The following IL5RA variants were observed in gnomAD, a reference collection of about 807,000 sequenced individuals.
IL5RA encodes interleukin 5 receptor subunit alpha, also known as interleukin-5 receptor subunit alpha.
A neutral mutation model predicts 50.0 loss-of-function variants in IL5RA; 49 were observed. The ratio of observed to expected loss-of-function variants is 0.98; its 90% confidence interval spans 0.78 to 1.24. The LOEUF is 1.24. Among genes scored for constraint, IL5RA ranks in the 50% most tolerant of loss-of-function variants. IL5RA has a pLI of 0.00. For synonymous variants in IL5RA, 202 were observed against 174.0 expected (o/e 1.16, Z -1.26); for missense variants, 600 against 500.4 (o/e 1.20, Z -1.90).
In IL5RA at chr3:3,068,600, A is replaced by AAAAAAAAAC. The variant is rs1290359855; in HGVS notation, c.*1616_*1624dup. On this transcript the variant is annotated 3_prime_UTR_variant, in exon 12 of 12. Transcript: ENST00000446632. ...CCACCCACCCCACAAAAAAAAAAAA[A>AAAAAAAAAC]AAAAAAAACAAAAACAGGTTTGAGA... 7.1e-6 allele frequency: 1 copy of AAAAAAAAAC among 141,064 alleles called. No homozygotes were observed. The allele number at this position is 141,064 out of a possible 1,614,324, so 8.7% of individuals were successfully genotyped here. A position where few individuals can be genotyped will look rare whatever the true frequency, so the allele number is the denominator to read the frequency against.
intron 4 of IL5RA, 102 bp downstream of exon 4, chr3:3,102,573 A>C: frequency 2.6e-6 from 2 of 766,242 alleles, no homozygotes; most frequent in Non-Finnish European, 4.2e-6. Flanking sequence ...AGAGCCTGTC[A>C]GTAATTTTAT....
chr3:3,109,869 G>A (rs1704103011), intron 1 of IL5RA, 76 bp downstream of exon 1: 1 of 152,150 alleles, frequency 6.6e-6, no homozygotes. Context: ...ACAGGGTATT[G>A]TTACAGCCCA....
intron 7 of IL5RA, among the ~76,000 whole-genome samples, chr3:3,096,194 C>T (rs768989449): frequency 2.1e-4 from 32 of 151,696 alleles, no homozygotes; most frequent in Non-Finnish European, 4.4e-4. Flanking sequence ...AGGAGAATGG[C>T]GTGAACCCAG....
At chr3:3,109,235 C>CAA (rs979248419) in intron 1 of IL5RA, among the ~76,000 whole-genome samples, 1 of 151,982 alleles carries the variant, frequency 6.6e-6, no homozygotes, top group African/African-American at 2.4e-5. Context: ...AACACAAAAC[C>CAA]AAGTGACATA....
intron 9 of IL5RA, among the ~76,000 whole-genome samples, chr3:3,088,759 CA>C (rs1426398942): frequency 6.6e-6 from 1 of 152,170 alleles, no homozygotes; most frequent in East Asian, 1.9e-4. Flanking sequence ...TTAAAATCTC[CA>C]AAATTGAATA....
At chr3:3,104,731 C>T (rs1376559234) in intron 3 of IL5RA, among the ~76,000 whole-genome samples, 172 bp downstream of exon 3, 1 of 152,158 alleles carries the variant, frequency 6.6e-6, no homozygotes, top group Non-Finnish European at 1.5e-5. Context: ...GCCAACATTG[C>T]TTTCTTAAAA....
rs1702234383 is a variant in IL5RA at position 3,069,723 on chromosome 3, T to C, written c.*502A>G. 1.3e-5 allele frequency: 2 copies of C among 153,426 alleles called. No individual in the cohort carries two copies. The highest frequency in any genetic ancestry group is 2.9e-5 in the Non-Finnish European group (2 of 69,078). 9.5% of individuals were successfully genotyped at this position (153,426 alleles called of 1,614,324 possible). On this transcript the variant is annotated 3_prime_UTR_variant, in exon 12 of 12. Transcript: ENST00000446632. ...TTCTAGAATGTAGGGGGGTGAGGAATTTGTGGCTCTCACTTGCTATAGAAA... is the reference window on the plus strand; with the variant it reads ...TTCTAGAATGTAGGGGGGTGAGGAACTTGTGGCTCTCACTTGCTATAGAAA...
In IL5RA at chr3:3,092,059, T is replaced by C; in HGVS notation, c.994+165A>G. 7.2e-7 allele frequency: 1 copy of C among 1,385,730 alleles called. No homozygotes were observed. Among genetic ancestry groups the C allele is most frequent in the East Asian group, 2.6e-5 (1 of 37,744 alleles). The allele number at this position is 1,385,730 out of a possible 1,614,324, so 85.8% of individuals were successfully genotyped here. On this transcript the variant is annotated intron_variant, in intron 9 of 11. Coordinates refer to ENST00000446632, the MANE Select transcript of IL5RA (RefSeq NM_175726.4). This position sits in a 1 kb window ranked among gnomAD's most constrained non-coding sequence, Gnocchi z 4.2. ...ACACTTAAAAACTTCACTGGCTTCA[T>C]GGCAAATCTATTCCTGATTGAAAAG... is the stretch of plus-strand genomic sequence containing the variant.
At chr3:3,091,920 G>A in intron 9 of IL5RA, 4 of 948,304 alleles carry the variant, frequency 4.2e-6, no homozygotes, top group Non-Finnish European at 3.9e-6. Flanking sequence ...TTGTGAGTGT[G>A]ATAATTATTT....
intron 3 of IL5RA, among the ~76,000 whole-genome samples, chr3:3,104,631 T>C (rs1051043164): frequency 2.6e-5 from 4 of 152,292 alleles, no homozygotes; most frequent in Middle Eastern, 3.4e-3. Flanking sequence ...ACATTCCAAA[T>C]GCGACCACTG....
At position 3,066,640 on chromosome 3, in the gene IL5RA, A is replaced by C. The variant is rs1373405995; in HGVS notation, c.*3585T>G. ...TTTTTCTTTAACAAATTAGCACCTC[A>C]GGCTTCTTAATTCCACCAGCAGATG... On this transcript the variant is annotated 3_prime_UTR_variant, in exon 12 of 12. Transcript: ENST00000446632. The C allele has an allele frequency of 1.3e-5, 2 of 152,210 alleles. No individual in the cohort carries two copies. Among genetic ancestry groups the C allele is most frequent in the East Asian group, 3.8e-4 (2 of 5,200 alleles). The allele number at this position is 152,210 out of a possible 1,614,324, so 9.4% of individuals were successfully genotyped here.
intron 9 of IL5RA, among the ~76,000 whole-genome samples, chr3:3,080,664 T>A (rs1254723199): frequency 6.6e-6 from 1 of 152,198 alleles, no homozygotes; most frequent in Non-Finnish European, 1.5e-5. Context: ...TAGGTGGGAC[T>A]GAAGCCCTTT....
At chr3:3,091,525 A>G (rs1703100025) in intron 9 of IL5RA, among the ~76,000 whole-genome samples, 1 of 152,192 alleles carries the variant, frequency 6.6e-6, no homozygotes, top group African/African-American at 2.4e-5. Context: ...TGAAGTCAGG[A>G]GTTCGAGACC....
chr3:3,090,524 G>C (rs1703042310), intron 9 of IL5RA, among the ~76,000 whole-genome samples: 1 of 150,350 alleles, frequency 6.7e-6, no homozygotes, highest in Non-Finnish European at 1.5e-5. Flanking sequence ...CTGGATAATA[G>C]CAAACACAGG....
At chr3:3,090,108 T>C (rs962424633) in intron 9 of IL5RA, 56 of 1,195,202 alleles carry the variant, frequency 4.7e-5, no homozygotes, top group Non-Finnish European at 5.3e-5. Context: ...AGTTTTTTGA[T>C]AGGACTAAGA....
At chr3:3,086,485 C>CA (rs1444933190) in intron 9 of IL5RA, among the ~76,000 whole-genome samples, 1 of 151,862 alleles carries the variant, frequency 6.6e-6, no homozygotes, top group Non-Finnish European at 1.5e-5. Flanking sequence ...TAAGATAAGA[C>CA]AGAGAAGCCA....
intron 2 of IL5RA, among the ~76,000 whole-genome samples, chr3:3,107,709 C>A (rs1173107430): frequency 1.3e-5 from 2 of 152,160 alleles, no homozygotes; most frequent in Non-Finnish European, 1.5e-5. Context: ...TATAACATTT[C>A]ATTGAGTCAA....
chr3:3,101,663 CA>C, intron 5 of IL5RA, 28 bp downstream of exon 5: 1 of 1,602,346 alleles, frequency 6.2e-7, no homozygotes, highest in Non-Finnish European at 8.5e-7. Context: ...CCAAAACATA[CA>C]AACTGGACTT....
In IL5RA at chr3:3,092,177, TGATCACAAGGA is replaced by T; in HGVS notation, c.994+36_994+46del. On this transcript the variant is annotated intron_variant, in intron 9 of 11. Transcript: ENST00000446632. The surrounding 1 kb of genome is among the most constrained non-coding windows in gnomAD (Gnocchi z 4.2). ...GGTACGTTTCTGGGATTACCTTTTT[TGATCACAAGGA>T]AGGCTGCCAATGTAAAATAAACATA... 1 of 1,596,220 alleles carries T rather than the reference TGATCACAAGGA, an allele frequency of 6.3e-7. No individual in the cohort carries two copies. Among genetic ancestry groups the T allele is most frequent in the Non-Finnish European group, 8.5e-7 (1 of 1,172,482 alleles).
Sources: gnomAD v4.1 joint callset for allele counts (sites outside exome capture counted in the v4.1 genomes callset) on GRCh38, gnomAD v4.1.1 for gene constraint, Gnocchi (gnomAD v3.1) non-coding constraint, MANE v1.5 for transcripts, NCBI Gene and HGNC (gene_info 2026-07-23, HGNC 2026-07-21) for gene names.